Variants in CLDN12 observed in about 807,000 individuals in gnomAD.
The protein encoded by CLDN12 is claudin 12, also known as claudin-12.
CLDN12 carries 9 observed loss-of-function variants against 15.5 expected under a neutral mutation model. The ratio of observed to expected loss-of-function variants is 0.58; its 90% CI spans 0.35 to 1.02. The LOEUF (loss-of-function observed/expected upper bound fraction) is 1.02, where lower values mean the gene tolerates loss of function less well. CLDN12 is among the 50% of genes least tolerant of loss of function. The pLI is 0.02. For missense variants in CLDN12, 233 were observed against 297.3 expected (o/e 0.78, Z 1.59); for synonymous variants, 140 against 121.6 (o/e 1.15, Z -1.00).
intron 2 of CLDN12, among the ~76,000 whole-genome samples, chr7:90,406,415 G>C (rs1796836918): frequency 6.6e-6 from 1 of 152,136 alleles, no homozygotes; most frequent in African/African-American, 2.4e-5. Flanking sequence ...ATTTGAAATA[G>C]AGTCTCTATT....
At chr7:90,411,687 G>T (rs1204150361) in intron 2 of CLDN12, among the ~76,000 whole-genome samples, 1 of 151,610 alleles carries the variant, frequency 6.6e-6, no homozygotes, top group African/African-American at 2.4e-5. Flanking sequence ...ATAATTTCAG[G>T]GACCATTGTT....
rs139935230 is a variant in CLDN12 at position 90,409,376 on chromosome 7, C to G, written c.-76-2631C>G. Reference sequence around the variant, plus strand: ...AGCAGGGATTACAGGCACGTGCCACCATGCCTGGCTAGTTTTTGTATTTTT... The same window carrying G: ...AGCAGGGATTACAGGCACGTGCCACGATGCCTGGCTAGTTTTTGTATTTTT... On this transcript the variant is annotated intron_variant, in intron 2 of 3. Transcript: ENST00000496677. Among the ~76,000 whole-genome samples, 564 of 152,158 alleles carry G rather than the reference C, an allele frequency of 3.7e-3. 2 individuals are homozygous for G. Among genetic ancestry groups the G allele is most frequent in the African/African-American group, 0.013 (539 of 41,522 alleles).
intron 2 of CLDN12, among the ~76,000 whole-genome samples, chr7:90,410,823 C>A (rs936353277): frequency 6.6e-6 from 1 of 151,854 alleles, no homozygotes; most frequent in African/African-American, 2.4e-5. Flanking sequence ...ATGAGAAAAC[C>A]CCGTCTCTAC....
intron 3 of CLDN12, chr7:90,412,419 C>T (rs914007152): frequency 8.7e-5 from 38 of 438,662 alleles, no homozygotes; most frequent in Middle Eastern, 5.7e-4. Flanking sequence ...TTTAGTTGCT[C>T]TATGACCCAG....
chr7:90,411,244 A>T (rs1165107707), intron 2 of CLDN12, among the ~76,000 whole-genome samples: 2 of 152,218 alleles, frequency 1.3e-5, no homozygotes, highest in East Asian at 3.9e-4. Flanking sequence ...ATTCAGAAAT[A>T]AAAATTATTC....
intron 2 of CLDN12, among the ~76,000 whole-genome samples, chr7:90,410,341 C>T (rs747713505): frequency 2.6e-5 from 4 of 151,448 alleles, no homozygotes; most frequent in Non-Finnish European, 5.9e-5. Context: ...TCTGATAATA[C>T]TGACAGAAGG....
At chr7:90,411,529 C>T (rs1039787934) in intron 2 of CLDN12, among the ~76,000 whole-genome samples, 6 of 152,066 alleles carry the variant, frequency 3.9e-5, no homozygotes, top group African/African-American at 7.2e-5. Context: ...AATAGGTTGT[C>T]GTTACTTGAA....
At position 90,413,361 on chromosome 7, in the gene CLDN12, C is replaced by G; in HGVS notation, c.685C>G (p.Arg229Gly). ...TYSQPYSARS[R>G]LSAIEIDIPV... ...CTCACAGCCCTATTCAGCACGCTCT[C>G]GCCTCTCTGCCATTGAAATTGACAT... is the stretch of plus-strand genomic sequence containing the variant. The change falls in exon 4 of 4, where the codon CGC (arginine) becomes GGC (glycine). Residue 229 changes from arginine (R) to glycine (G), a missense_variant. Coordinates refer to ENST00000496677, the MANE Select transcript of CLDN12 (RefSeq NM_001185072.3). 1 of 1,614,106 alleles carries G rather than the reference C, an allele frequency of 6.2e-7. No homozygotes were observed.
chr7:90,410,511 T>C (rs985609241), intron 2 of CLDN12, among the ~76,000 whole-genome samples: 2 of 152,222 alleles, frequency 1.3e-5, no homozygotes, highest in Non-Finnish European at 2.9e-5. Context: ...TATGTACACA[T>C]AGGCATTTTT....
intron 1 of CLDN12, among the ~76,000 whole-genome samples, chr7:90,404,333 G>A (rs1481448867): frequency 2.0e-5 from 3 of 152,130 alleles, no homozygotes; most frequent in Non-Finnish European, 2.9e-5. Flanking sequence ...GTTGCAGAGA[G>A]CATTCTACAT....
In CLDN12 at chr7:90,415,382, C is replaced by T. The variant is rs1797052814; in HGVS notation, c.*1971C>T. The T allele has an allele frequency of 6.0e-6, 1 of 166,954 alleles. No homozygotes were observed. The highest frequency in any genetic ancestry group is 1.5e-5 in the Non-Finnish European group (1 of 68,098). The allele number at this position is 166,954 out of a possible 1,614,324, so 10.3% of individuals were successfully genotyped here. A position where few individuals can be genotyped will look rare whatever the true frequency, so the allele number is the denominator to read the frequency against. ...TTGTCCAGAAGGATCAAGAATTCTA[C>T]CATCCCTTGGGTCTTTGTGTATAAA... is the stretch of plus-strand genomic sequence containing the variant. On this transcript the variant is annotated 3_prime_UTR_variant, in exon 4 of 4. Transcript: ENST00000496677.
At chr7:90,403,833 G>A (rs970967427) in intron 1 of CLDN12, among the ~76,000 whole-genome samples, 1 of 152,124 alleles carries the variant, frequency 6.6e-6, no homozygotes, top group African/African-American at 2.4e-5. Flanking sequence ...ACCAGCTGAT[G>A]CTGGTTGCGT....
At chr7:90,409,478 T>C (rs922142151) in intron 2 of CLDN12, among the ~76,000 whole-genome samples, 1 of 152,174 alleles carries the variant, frequency 6.6e-6, no homozygotes, top group Non-Finnish European at 1.5e-5. Flanking sequence ...AGCCTTGGCC[T>C]CCCAAAGTGC....
intron 1 of CLDN12, among the ~76,000 whole-genome samples, chr7:90,404,562 G>A (rs1440169717): frequency 1.3e-5 from 2 of 152,186 alleles, no homozygotes; most frequent in Admixed American, 1.3e-4. Flanking sequence ...GCAAATTTCA[G>A]GATGCAGAAT....
chr7:90,411,458 TG>T, intron 2 of CLDN12, among the ~76,000 whole-genome samples: 1 of 152,332 alleles, frequency 6.6e-6, no homozygotes, highest in East Asian at 1.9e-4. Context: ...AAAAAGAACA[TG>T]GCCTTTTAAT....
chr7:90,411,088 C>A (rs1326981792), intron 2 of CLDN12, among the ~76,000 whole-genome samples: 1 of 151,906 alleles, frequency 6.6e-6, no homozygotes, highest in East Asian at 1.9e-4. Context: ...AACATTGTGC[C>A]CTCCCACTGG....
intron 2 of CLDN12, chr7:90,406,199 A>G (rs988588237): frequency 6.6e-6 from 1 of 152,226 alleles, no homozygotes; most frequent in South Asian, 2.1e-4. Flanking sequence ...TACAGGGTCT[A>G]TTGGATACAT....
At position 90,414,332 on chromosome 7, in the gene CLDN12, T is replaced by C. The variant is rs1289445533; in HGVS notation, c.*921T>C. ...ACTCTGGTGACTGCCTTTTGAGTTA[T>C]GGGTGAAGTAAGGTATGGCTTTACC... On this transcript the variant is annotated 3_prime_UTR_variant, in exon 4 of 4. Coordinates refer to ENST00000496677, the MANE Select transcript of CLDN12 (RefSeq NM_001185072.3). The C allele has an allele frequency of 2.0e-6, 2 of 1,000,216 alleles. No individual in the cohort carries two copies. The highest frequency in any genetic ancestry group is 3.5e-5 in the African/African-American group (2 of 57,254). 62.0% of individuals were successfully genotyped at this position (1,000,216 alleles called of 1,614,324 possible).
At chr7:90,408,694 A>G (rs1024510921) in intron 2 of CLDN12, among the ~76,000 whole-genome samples, 1 of 152,164 alleles carries the variant, frequency 6.6e-6, no homozygotes, top group Non-Finnish European at 1.5e-5. Context: ...GTGCCGTGGT[A>G]TCCTTGTTGA....
Sources: allele counts gnomAD v4.1 joint callset (sites outside exome capture counted in the v4.1 genomes callset), GRCh38; gene constraint gnomAD v4.1.1; transcripts MANE v1.5; gene names NCBI Gene and HGNC (gene_info 2026-07-23, HGNC 2026-07-21).